Variants in NDST3 observed in about 807,000 individuals in gnomAD.
NDST3 encodes bifunctional heparan sulfate N-deacetylase/N-sulfotransferase 3.
In NDST3, 58 loss-of-function variants were observed where a neutral mutation model predicts 96.1. The ratio of observed to expected loss-of-function variants is 0.60; its 90% confidence interval spans 0.49 to 0.75. NDST3 has a LOEUF of 0.75. Ranked by LOEUF, NDST3 falls within the 30% of genes least tolerant of loss-of-function variation. The pLI is 0.00. For missense variants in NDST3, 788 were observed against 1,034.2 expected, an observed-to-expected ratio of 0.76 and a Z score of 3.27; for synonymous variants, 333 against 359.7, an observed-to-expected ratio of 0.93 and a Z score of 0.84.
chr4:118,066,153 T>TATTTTATATATTATACATA lies in NDST3; in HGVS notation c.981+11264_981+11265insTTTATATATTATACATAAT, dbSNP rs1399220434. Among the ~76,000 whole-genome samples the TATTTTATATATTATACATA allele has an allele frequency of 1.2e-3, 16 of 13,004 alleles. 1 individual carries two copies. Among genetic ancestry groups the TATTTTATATATTATACATA allele is most frequent in the African/African-American group, 1.9e-3 (16 of 8,520 alleles). 8.5% of individuals were successfully genotyped at this position (13,004 alleles called of 152,430 possible). A position where few individuals can be genotyped will look rare whatever the true frequency, so the allele number is the denominator to read the frequency against. ...ATTATATAATATATTTTATATATTA[T>TATTTTATATATTATACATA]ATATATTATATATTATATTTTATAT... On this transcript the variant is annotated intron_variant, in intron 2 of 13. Coordinates refer to ENST00000296499, the MANE Select transcript of NDST3 (RefSeq NM_004784.3).
At position 118,138,170 on chromosome 4, in the gene NDST3, C is replaced by A. The variant is rs755636402; in HGVS notation, c.1341C>A (p.Thr447=). The A allele has an allele frequency of 2.0e-5, 32 of 1,613,938 alleles. No individual in the cohort carries two copies. The highest frequency in any genetic ancestry group is 2.6e-5 in the Non-Finnish European group (31 of 1,179,916). ...AWKKVWNIKI[T]STEEYPHLKP... ...AGAAGGTCTGGAATATTAAAATCAC[C>A]AGCACTGAAGAATATCCACATCTGA... The change falls in exon 5 of 14, where the codon ACC becomes ACA. Residue 447 remains threonine (T), a synonymous_variant. Coordinates refer to ENST00000296499, the MANE Select transcript of NDST3 (RefSeq NM_004784.3).
chr4:118,077,386 T>C (rs1467150289), intron 2 of NDST3, among the ~76,000 whole-genome samples: 1 of 152,220 alleles, frequency 6.6e-6, no homozygotes, highest in Non-Finnish European at 1.5e-5. Flanking sequence ...TGGTGTTGTA[T>C]TTTGGGCTGT....
chr4:118,242,259 T>G (rs1436335244), intron 12 of NDST3, 110 bp downstream of exon 12: 1 of 620,514 alleles, frequency 1.6e-6, no homozygotes, highest in Non-Finnish European at 2.8e-6. Flanking sequence ...ATATACTGGT[T>G]ATTTTTCAAT....
At chr4:118,040,563 A>G (rs1724386367) in intron 1 of NDST3, among the ~76,000 whole-genome samples, 1 of 152,230 alleles carries the variant, frequency 6.6e-6, no homozygotes, top group Admixed American at 6.5e-5. Flanking sequence ...CCCTTAGTGT[A>G]CTTTCATTGG....
intron 6 of NDST3, among the ~76,000 whole-genome samples, chr4:118,165,652 T>C (rs1210971774): frequency 6.6e-6 from 1 of 152,042 alleles, no homozygotes; most frequent in Non-Finnish European, 1.5e-5. Context: ...CATTCCAGGA[T>C]AGATTACATG....
At chr4:118,209,890 C>G (rs1314352561) in intron 6 of NDST3, among the ~76,000 whole-genome samples, 1 of 152,144 alleles carries the variant, frequency 6.6e-6, no homozygotes, top group Non-Finnish European at 1.5e-5. Context: ...AAACAGTACT[C>G]AGTGAATTTA....
chr4:118,094,087 C>A (rs1370829920), intron 2 of NDST3, among the ~76,000 whole-genome samples: 9 of 151,950 alleles, frequency 5.9e-5, no homozygotes, highest in Admixed American at 5.9e-4. Context: ...GAAGGCCTCA[C>A]TTCTTAATAC....
intron 6 of NDST3, among the ~76,000 whole-genome samples, chr4:118,215,212 T>C (rs1739115839): frequency 6.6e-6 from 1 of 151,762 alleles, no homozygotes; most frequent in Non-Finnish European, 1.5e-5. Context: ...AACAAAACCC[T>C]GAAAAACACT....
intron 6 of NDST3, among the ~76,000 whole-genome samples, chr4:118,181,718 C>T (rs76192709): frequency 2.0e-5 from 3 of 151,950 alleles, no homozygotes; most frequent in African/African-American, 7.3e-5. Flanking sequence ...CCCATTAAGC[C>T]AACAATATTG....
intron 6 of NDST3, among the ~76,000 whole-genome samples, chr4:118,166,154 C>A (rs765101682): frequency 2.0e-5 from 3 of 151,212 alleles, no homozygotes; most frequent in Non-Finnish European, 4.4e-5. Context: ...ACATCATTGG[C>A]AAACCTTTAG....
At chr4:118,236,956 A>G in intron 9 of NDST3, 90 bp from the exon 10 acceptor site, 1 of 989,810 alleles carries the variant, frequency 1.0e-6, no homozygotes, top group Non-Finnish European at 1.4e-6. Flanking sequence ...TTTAGGAAAC[A>G]CATGAATTTG....
chr4:118,179,290 G>C (rs1010090721), intron 6 of NDST3, among the ~76,000 whole-genome samples: 1 of 152,008 alleles, frequency 6.6e-6, no homozygotes, highest in Non-Finnish European at 1.5e-5. Flanking sequence ...CATTGAAAGC[G>C]TGCCATAATG....
intron 2 of NDST3, among the ~76,000 whole-genome samples, chr4:118,067,586 G>A (rs1726695700): frequency 6.6e-6 from 1 of 152,078 alleles, no homozygotes; most frequent in Non-Finnish European, 1.5e-5. Context: ...AGACACAGCT[G>A]CTCATTGTAT....
chr4:118,251,498 T>A (rs553295296), intron 12 of NDST3, among the ~76,000 whole-genome samples: 6 of 152,316 alleles, frequency 3.9e-5, no homozygotes, highest in Admixed American at 1.3e-4. Context: ...GGGTCAATGT[T>A]CAGCTTTTTC....
At chr4:118,225,706 C>T (rs1158120495) in intron 7 of NDST3, among the ~76,000 whole-genome samples, 1 of 152,190 alleles carries the variant, frequency 6.6e-6, no homozygotes, top group Admixed American at 6.5e-5. Flanking sequence ...TAACTCTGAA[C>T]TTTATACTCA....
intron 12 of NDST3, among the ~76,000 whole-genome samples, chr4:118,242,903 C>A (rs1053168230): frequency 2.6e-5 from 4 of 152,056 alleles, no homozygotes; most frequent in African/African-American, 9.7e-5. Flanking sequence ...GCCTCTCTTA[C>A]CTCACCCTAG....
intron 6 of NDST3, among the ~76,000 whole-genome samples, chr4:118,164,490 A>G (rs1475498540): frequency 1.3e-5 from 2 of 152,174 alleles, no homozygotes; most frequent in African/African-American, 2.4e-5. Flanking sequence ...CCCTGAATCT[A>G]AAATTAAAAG....
chr4:118,227,606 ACT>A lies in NDST3; in HGVS notation c.1819+625_1819+626del, dbSNP rs1739976702. On this transcript the variant is annotated intron_variant, in intron 8 of 13. Transcript: ENST00000296499. The stretch of plus-strand genomic sequence containing the variant: ...ACCATAAACTTCTTTATCACCATAA[ACT>A]TTTTTTTTTTTTTTTTTTTTTGAGA... Among the ~76,000 whole-genome samples the A allele has an allele frequency of 3.2e-5, 4 of 124,270 alleles. No homozygotes were observed. In the South Asian group the frequency reaches 8.3e-4, roughly 26 times the overall value. The allele number at this position is 124,270 out of a possible 152,430, so 81.5% of individuals were successfully genotyped here.
At chr4:118,232,166 G>C (rs1740342281) in intron 8 of NDST3, among the ~76,000 whole-genome samples, 1 of 152,076 alleles carries the variant, frequency 6.6e-6, no homozygotes, top group Non-Finnish European at 1.5e-5. Flanking sequence ...TAGGCCTCTG[G>C]AAGAACTTAA....
Sources: gnomAD v4.1 joint callset for allele counts (sites outside exome capture counted in the v4.1 genomes callset) on GRCh38, gnomAD v4.1.1 for gene constraint, MANE v1.5 for transcripts, NCBI Gene and HGNC (gene_info 2026-07-23, HGNC 2026-07-21) for gene names.